EPB41L4B: variants seen among roughly 807,000 people sequenced by gnomAD.
The protein encoded by EPB41L4B is band 4.1-like protein 4B.
Under a neutral mutation model 112.5 loss-of-function variants are expected in EPB41L4B, and 30 were observed. The observed-to-expected ratio is 0.27, with a 90% CI of 0.20 to 0.36. The LOEUF is 0.36. EPB41L4B is among the 10% of genes least tolerant of loss of function. EPB41L4B has a pLI of 1.00. For missense variants in EPB41L4B, 1,024 were observed against 1,133.3 expected (o/e 0.90, Z 1.38); for synonymous variants, 408 against 439.7 (o/e 0.93, Z 0.90).
intron 24 of EPB41L4B, among the ~76,000 whole-genome samples, chr9:109,178,335 T>C (rs1031964098): frequency 3.9e-5 from 6 of 151,992 alleles, no homozygotes; most frequent in African/African-American, 1.4e-4. Context: ...AGAAACTTAT[T>C]ACATGAGTTT....
At chr9:109,191,014 G>C (rs13328448) in intron 22 of EPB41L4B, among the ~76,000 whole-genome samples, 21,760 of 152,146 alleles carry the variant, frequency 0.14, 3,187 homozygotes, top group African/African-American at 0.37. Flanking sequence ...ATAGAGACCT[G>C]TCCATCACCC....
In EPB41L4B at chr9:109,222,873, T is replaced by G. The variant is rs111651390; in HGVS notation, c.1410-5728A>C. Among the ~76,000 whole-genome samples the G allele has an allele frequency of 5.8e-3, 879 of 152,336 alleles. 13 individuals carry two copies. Among genetic ancestry groups the G allele is most frequent in the African/African-American group, 0.02 (850 of 41,582 alleles). On this transcript the variant is annotated intron_variant, in intron 15 of 25. Coordinates refer to ENST00000374566, the MANE Select transcript of EPB41L4B (RefSeq NM_019114.5). Reference sequence around the variant, plus strand: ...CTTAGTGAAAGGGAGTAATGTGCCCTGTTAGTAAATGCAGAGTGAGAACTG... The same window carrying G: ...CTTAGTGAAAGGGAGTAATGTGCCCGGTTAGTAAATGCAGAGTGAGAACTG...
chr9:109,220,481 C>T (rs911643391), intron 15 of EPB41L4B, among the ~76,000 whole-genome samples: 8 of 152,268 alleles, frequency 5.3e-5, no homozygotes, highest in Non-Finnish European at 8.8e-5. Flanking sequence ...AGGAGACTGC[C>T]GCAGGGCGGG....
At chr9:109,293,076 T>C (rs1473622395) in intron 1 of EPB41L4B, among the ~76,000 whole-genome samples, 1 of 152,128 alleles carries the variant, frequency 6.6e-6, no homozygotes, top group Non-Finnish European at 1.5e-5. Context: ...AGCAGAAGCA[T>C]CTCCCAGCTG....
intron 14 of EPB41L4B, 124 bp from the exon 15 acceptor site, chr9:109,243,806 C>T: frequency 1.1e-6 from 1 of 893,578 alleles, no homozygotes; most frequent in Non-Finnish European, 1.8e-6. Flanking sequence ...AGGCTATAGA[C>T]CCTGGCTAGG....
chr9:109,271,171 G>A (rs747470226), intron 2 of EPB41L4B, among the ~76,000 whole-genome samples: 4 of 152,194 alleles, frequency 2.6e-5, no homozygotes, highest in Non-Finnish European at 4.4e-5. Flanking sequence ...TGCTGGTACC[G>A]GGTGGCTGAC....
At chr9:109,250,101 G>A (rs1356504615) in intron 13 of EPB41L4B, among the ~76,000 whole-genome samples, 3 of 152,152 alleles carry the variant, frequency 2.0e-5, no homozygotes, top group African/African-American at 7.2e-5. Flanking sequence ...ACATTTGTCT[G>A]TTCTGTATTT....
intron 13 of EPB41L4B, among the ~76,000 whole-genome samples, chr9:109,249,552 C>T (rs77057166): frequency 1.3e-5 from 2 of 149,842 alleles, no homozygotes; most frequent in African/African-American, 4.9e-5. Context: ...TATATAATCT[C>T]CACTAGATGC....
chr9:109,261,010 C>T (rs1255274215), intron 6 of EPB41L4B, among the ~76,000 whole-genome samples: 1 of 152,196 alleles, frequency 6.6e-6, no homozygotes, highest in Non-Finnish European at 1.5e-5. Context: ...TCTTTTGTCT[C>T]ATTCGTGACA....
intron 14 of EPB41L4B, among the ~76,000 whole-genome samples, chr9:109,245,642 C>A (rs1834525502): frequency 6.6e-6 from 1 of 152,312 alleles, no homozygotes; most frequent in Non-Finnish European, 1.5e-5. Context: ...ACACAGAGAT[C>A]CATCCTTTGC....
chr9:109,281,096 AAAT>A (rs1174995125), intron 1 of EPB41L4B, among the ~76,000 whole-genome samples: 2 of 152,182 alleles, frequency 1.3e-5, no homozygotes, highest in African/African-American at 4.8e-5. Flanking sequence ...ACAAAAGAAA[AAAT>A]AAACTGGACG....
intron 1 of EPB41L4B, among the ~76,000 whole-genome samples, chr9:109,299,425 A>C (rs909727387): frequency 2.0e-5 from 3 of 151,956 alleles, no homozygotes; most frequent in Non-Finnish European, 4.4e-5. Flanking sequence ...ACAGGCATGC[A>C]CCACCATGCC....
At chr9:109,309,052 G>GT (rs1161888954) in intron 1 of EPB41L4B, among the ~76,000 whole-genome samples, 2 of 152,112 alleles carry the variant, frequency 1.3e-5, no homozygotes, top group African/African-American at 4.8e-5. Flanking sequence ...TCCAGCCTAG[G>GT]TGACGAAGCG....
intron 19 of EPB41L4B, among the ~76,000 whole-genome samples, chr9:109,201,656 G>T (rs1229364966): frequency 6.6e-6 from 1 of 152,118 alleles, no homozygotes; most frequent in African/African-American, 2.4e-5. Flanking sequence ...GGAAAGCTAC[G>T]TGGAGGAGTT....
chr9:109,276,146 T>G (rs1835810558), intron 2 of EPB41L4B, among the ~76,000 whole-genome samples: 1 of 142,764 alleles, frequency 7.0e-6, no homozygotes, highest in Admixed American at 7.1e-5. Context: ...AATATATACG[T>G]GTGTGTATAC....
At chr9:109,281,123 A>G (rs1190490763) in intron 1 of EPB41L4B, among the ~76,000 whole-genome samples, 1 of 150,876 alleles carries the variant, frequency 6.6e-6, no homozygotes, top group Non-Finnish European at 1.5e-5. Context: ...TCAAAATGTG[A>G]GACTTTTTTT....
At chr9:109,309,725 T>A (rs1336809810) in intron 1 of EPB41L4B, among the ~76,000 whole-genome samples, 4 of 149,332 alleles carry the variant, frequency 2.7e-5, no homozygotes, top group Non-Finnish European at 4.4e-5. Flanking sequence ...CACAACCAGA[T>A]CCCATCTCTA....
chr9:109,273,706 TCA>T (rs1336119977), intron 2 of EPB41L4B, among the ~76,000 whole-genome samples: 1 of 151,994 alleles, frequency 6.6e-6, no homozygotes, highest in Non-Finnish European at 1.5e-5. Flanking sequence ...CACCTGAGCC[TCA>T]GTTTCAGCCC....
chr9:109,272,277 C>A (rs1360772367), intron 2 of EPB41L4B, among the ~76,000 whole-genome samples: 8 of 151,972 alleles, frequency 5.3e-5, no homozygotes, highest in Non-Finnish European at 7.4e-5. Context: ...GGCAACATAG[C>A]AAGACCCCAT....
Sources: allele counts gnomAD v4.1 joint callset (sites outside exome capture counted in the v4.1 genomes callset), GRCh38; gene constraint gnomAD v4.1.1; transcripts MANE v1.5; gene names NCBI Gene and HGNC (gene_info 2026-07-23, HGNC 2026-07-21).